NUBPL: variants seen among roughly 807,000 people sequenced by gnomAD.
NUBPL encodes the protein iron-sulfur cluster transfer protein NUBPL.
Under a neutral mutation model 45.7 loss-of-function variants are expected in NUBPL, and 31 were observed. The ratio of observed to expected loss-of-function variants is 0.68; its 90% CI spans 0.51 to 0.92. The LOEUF (loss-of-function observed/expected upper bound fraction) is 0.92. Ranked by LOEUF, NUBPL falls within the 40% of genes least tolerant of loss-of-function variation. NUBPL has a pLI of 0.00. For synonymous variants in NUBPL, 144 were observed against 140.9 expected (o/e 1.02, Z -0.15); for missense variants, 401 against 398.7 (o/e 1.01, Z -0.05).
At chr14:31,662,716 G>A (rs1390216347) in intron 4 of NUBPL, among the ~76,000 whole-genome samples, 1 of 152,152 alleles carries the variant, frequency 6.6e-6, no homozygotes, top group African/African-American at 2.4e-5. Context: ...TCATTGATGG[G>A]CATTTGGGTT....
Position 31,850,219 on chromosome 14 carries a change from A to G in NUBPL, c.897+18A>G. 1 of 1,589,432 alleles carries G rather than the reference A, an allele frequency of 6.3e-7. No individual in the cohort carries two copies. The highest frequency in any genetic ancestry group is 1.7e-4 in the Middle Eastern group (1 of 5,932). ...GTGATGAGGTAAGTTCCATTTTTGG[A>G]TACATATTTTTATTTCTTTTTATGT... On this transcript the variant is annotated intron_variant, in intron 10 of 10. Transcript: ENST00000281081.
rs868705633 is a variant in NUBPL at position 31,855,239 on chromosome 14, G to A, written c.898-3879G>A. On this transcript the variant is annotated intron_variant, in intron 10 of 10. Coordinates refer to ENST00000281081, the MANE Select transcript of NUBPL (RefSeq NM_025152.3). ...AAGGTATTTATAAAGATGTATGGGT[G>A]AAAATCAGCACATTTGATTTGAGAG... Among the ~76,000 whole-genome samples, 4 of 152,216 alleles carry A rather than the reference G, an allele frequency of 2.6e-5. No individual in the cohort carries two copies. The East Asian group carries it at 7.7e-4, about 29-fold the overall frequency.
At chr14:31,606,099 C>CTTT (rs56899102) in intron 4 of NUBPL, among the ~76,000 whole-genome samples, 11 of 120,518 alleles carry the variant, frequency 9.1e-5, no homozygotes, top group East Asian at 2.3e-4. Context: ...CTTTTCTTTT[C>CTTT]TTTTTTTTTT....
At chr14:31,719,939 A>G (rs1359669010) in intron 6 of NUBPL, among the ~76,000 whole-genome samples, 1 of 152,184 alleles carries the variant, frequency 6.6e-6, no homozygotes, top group Non-Finnish European at 1.5e-5. Context: ...GATTTAAATA[A>G]TGATATAGTA....
At chr14:31,649,580 CA>C (rs2035946127) in intron 4 of NUBPL, among the ~76,000 whole-genome samples, 1 of 151,980 alleles carries the variant, frequency 6.6e-6, no homozygotes, top group African/African-American at 2.4e-5. Flanking sequence ...TTAAGGTTTG[CA>C]AAAAGTTTAA....
intron 4 of NUBPL, among the ~76,000 whole-genome samples, chr14:31,637,264 G>T (rs1034064061): frequency 6.6e-6 from 1 of 152,128 alleles, no homozygotes; most frequent in Non-Finnish European, 1.5e-5. Context: ...CTTTGAATGT[G>T]TCCCAGAGAT....
At chr14:31,850,261 A>G (rs904366569) in intron 10 of NUBPL, 60 bp downstream of exon 10, 2 of 1,316,384 alleles carry the variant, frequency 1.5e-6, no homozygotes, top group Non-Finnish European at 2.2e-6. Flanking sequence ...GAAATACAGA[A>G]AGAAAGTTGG....
chr14:31,736,434 T>A (rs1035522499), intron 6 of NUBPL, among the ~76,000 whole-genome samples: 2 of 152,196 alleles, frequency 1.3e-5, no homozygotes, highest in Non-Finnish European at 2.9e-5. Flanking sequence ...CTTTAAATAT[T>A]TATTAGTTTT....
chr14:31,761,520 G>T (rs970995789), intron 6 of NUBPL, among the ~76,000 whole-genome samples: 12 of 152,166 alleles, frequency 7.9e-5, no homozygotes, highest in Admixed American at 5.9e-4. Flanking sequence ...ACTCATAATT[G>T]CTTAGTAAGC....
rs1595360383 is a variant in NUBPL, at chr14:31,606,853, T to A, written c.382+7474T>A. ...AAATTTCCTCCTGATTCCCAGCTGA[T>A]CCTGGTTGCTGGGATAGGGTTGTGG... On this transcript the variant is annotated intron_variant, in intron 4 of 10. Coordinates refer to ENST00000281081, the MANE Select transcript of NUBPL (RefSeq NM_025152.3). Among the ~76,000 whole-genome samples the A allele has an allele frequency of 4.6e-5, 7 of 152,328 alleles. No homozygotes were observed. The South Asian group carries it at 1.4e-3, about 32-fold the overall frequency.
intron 7 of NUBPL, among the ~76,000 whole-genome samples, chr14:31,790,850 A>G (rs2138829435): frequency 6.6e-6 from 1 of 152,234 alleles, no homozygotes; most frequent in Non-Finnish European, 1.5e-5. Context: ...GACTGTCTTA[A>G]AAAACAAAAA....
At chr14:31,771,971 T>C (rs1358527453) in intron 6 of NUBPL, 2 of 715,896 alleles carry the variant, frequency 2.8e-6, no homozygotes, top group Non-Finnish European at 3.4e-6. Flanking sequence ...CTTCAAGTGC[T>C]CTAATACCTT....
At chr14:31,611,063 C>T (rs928021167) in intron 4 of NUBPL, among the ~76,000 whole-genome samples, 9 of 152,082 alleles carry the variant, frequency 5.9e-5, no homozygotes, top group Non-Finnish European at 7.4e-5. Context: ...CAACATAGTA[C>T]TGGAAGTCAT....
intron 4 of NUBPL, among the ~76,000 whole-genome samples, chr14:31,616,343 C>T (rs750612781): frequency 1.8e-4 from 28 of 152,172 alleles, no homozygotes; most frequent in Non-Finnish European, 2.9e-4. Flanking sequence ...GAAGTCTTTG[C>T]CCATGCCTAT....
intron 7 of NUBPL, among the ~76,000 whole-genome samples, chr14:31,809,612 T>G (rs1298267282): frequency 1.3e-5 from 2 of 152,140 alleles, no homozygotes; most frequent in Admixed American, 1.3e-4. Flanking sequence ...GTGTCTCTAT[T>G]TCCTTCAGTT....
At chr14:31,619,655 T>A (rs150164968) in intron 4 of NUBPL, among the ~76,000 whole-genome samples, 150 of 152,342 alleles carry the variant, frequency 9.8e-4, no homozygotes, top group South Asian at 3.5e-3. Context: ...AGAGATCCGC[T>A]GTTAGTCTGA....
Position 31,658,700 on chromosome 14 carries a change from C to T in NUBPL, c.383-14655C>T, listed in dbSNP as rs908587665. ...CTAATCTTTGTATTTTTAGTAGGGA[C>T]GGGGTTTCACCATGTTGGCCAGGAT... On this transcript the variant is annotated intron_variant, in intron 4 of 10. Coordinates refer to ENST00000281081, the MANE Select transcript of NUBPL (RefSeq NM_025152.3). Among the ~76,000 whole-genome samples the T allele has an allele frequency of 7.2e-5, 11 of 151,872 alleles. 1 individual carries two copies. The highest frequency in any genetic ancestry group is 2.1e-4 in the South Asian group (1 of 4,804).
intron 4 of NUBPL, among the ~76,000 whole-genome samples, chr14:31,654,620 A>T (rs546494894): frequency 9.2e-4 from 140 of 152,216 alleles, no homozygotes; most frequent in African/African-American, 3.3e-3. Context: ...AGTGTTAGCC[A>T]GGATGGTCTC....
At chr14:31,725,709 C>CTTTTTTTTTTT (rs375160082) in intron 6 of NUBPL, among the ~76,000 whole-genome samples, 5 of 104,972 alleles carry the variant, frequency 4.8e-5, no homozygotes, top group Non-Finnish European at 7.0e-5. Context: ...TAGATTTCAG[C>CTTTTTTTTTTT]TTTTTTTTTT....
Sources: gnomAD v4.1 joint callset for allele counts (sites outside exome capture counted in the v4.1 genomes callset) on GRCh38, gnomAD v4.1.1 for gene constraint, MANE v1.5 for transcripts, NCBI Gene and HGNC (gene_info 2026-07-23, HGNC 2026-07-21) for gene names.